The following UBE2E1 variants were observed in gnomAD, a reference collection of about 807,000 sequenced individuals.
UBE2E1 encodes ubiquitin conjugating enzyme E2 E1.
In UBE2E1, 6 loss-of-function variants were observed where a neutral mutation model predicts 21.4. The ratio of observed to expected loss-of-function variants is 0.28; its 90% CI spans 0.15 to 0.55. The LOEUF (loss-of-function observed/expected upper bound fraction) is 0.55. Among genes scored for constraint, UBE2E1 ranks in the 20% least tolerant of loss-of-function variants. The probability of loss-of-function intolerance (pLI) is 0.93; values close to 1 mark genes in which losing one functional copy is unlikely to be tolerated. For synonymous variants in UBE2E1, 87 were observed against 82.7 expected, an observed-to-expected ratio of 1.05 and a Z score of -0.28; for missense variants, 142 against 236.5, an observed-to-expected ratio of 0.60 and a Z score of 2.62.
At chr3:23,856,718 A>G (rs958992936) in intron 3 of UBE2E1, among the ~76,000 whole-genome samples, 2 of 152,200 alleles carry the variant, frequency 1.3e-5, no homozygotes, top group African/African-American at 4.8e-5. Context: ...ATTAGCAGGA[A>G]AAGAAAGCGC....
intron 2 of UBE2E1, 58 bp downstream of exon 2, chr3:23,807,479 A>G: frequency 6.3e-7 from 1 of 1,582,920 alleles, no homozygotes; most frequent in Non-Finnish European, 8.6e-7. Context: ...CTCTTGCTGC[A>G]TTTGGTCTGC....
rs1322687048 is a variant in UBE2E1, at chr3:23,816,892, G to T, written c.203+5382G>T. Among the ~76,000 whole-genome samples, 2 of 152,114 alleles carry T rather than the reference G, an allele frequency of 1.3e-5. No homozygotes were observed. Among genetic ancestry groups the T allele is most frequent in the Non-Finnish European group, 2.9e-5 (2 of 68,022 alleles). On this transcript the variant is annotated intron_variant, in intron 3 of 5. Coordinates refer to ENST00000306627, the MANE Select transcript of UBE2E1 (RefSeq NM_003341.5). This position sits in a 1 kb window ranked among gnomAD's most constrained non-coding sequence, Gnocchi z 4.8. Reference sequence around the variant, plus strand: ...CTTAATGAATACAGTTTCTTTTTGAGGTGGTGAAAGTTTTGGAAATAATGG... The same window carrying T: ...CTTAATGAATACAGTTTCTTTTTGATGTGGTGAAAGTTTTGGAAATAATGG...
chr3:23,873,085 C>G (rs916437174), intron 3 of UBE2E1, among the ~76,000 whole-genome samples: 1 of 152,150 alleles, frequency 6.6e-6, no homozygotes, highest in Non-Finnish European at 1.5e-5. Context: ...TAATGTCTGA[C>G]TTCTTAGCAG....
In UBE2E1 at chr3:23,836,135, A is replaced by G. The variant is rs536675235; in HGVS notation, c.203+24625A>G. The stretch of plus-strand genomic sequence containing the variant: ...GAACTGTTTAGGATATAGATGAAAT[A>G]CATTGAAACAGCAAGAAGTTAAAGC... On this transcript the variant is annotated intron_variant, in intron 3 of 5. Transcript: ENST00000306627. The surrounding 1 kb of genome is among the most constrained non-coding windows in gnomAD (Gnocchi z 4.1). 2.4e-4 allele frequency among the ~76,000 whole-genome samples: 37 copies of G among 152,238 alleles called. No homozygotes were observed. Among genetic ancestry groups the G allele is most frequent in the Non-Finnish European group, 3.7e-4 (25 of 68,030 alleles).
chr3:23,874,631 C>T (rs1490608173), intron 3 of UBE2E1, among the ~76,000 whole-genome samples: 1 of 152,176 alleles, frequency 6.6e-6, no homozygotes, highest in Admixed American at 6.5e-5. Context: ...GCATTGGATT[C>T]TGTCCTGACT....
intron 3 of UBE2E1, among the ~76,000 whole-genome samples, chr3:23,882,278 C>T (rs1234367910): frequency 1.3e-5 from 2 of 152,172 alleles, no homozygotes; most frequent in African/African-American, 2.4e-5. Context: ...CTGATTGGTG[C>T]GTTTACAATC....
intron 4 of UBE2E1, among the ~76,000 whole-genome samples, chr3:23,888,591 C>T (rs1701255274): frequency 6.6e-6 from 1 of 152,142 alleles, no homozygotes; most frequent in South Asian, 2.1e-4. Flanking sequence ...TGTAGGTAGA[C>T]AGGATGTCTA....
At chr3:23,852,937 A>T (rs535841129) in intron 3 of UBE2E1, among the ~76,000 whole-genome samples, 1 of 145,892 alleles carries the variant, frequency 6.9e-6, no homozygotes, top group East Asian at 2.0e-4. Context: ...TTGTTTTGAG[A>T]TGGAGTTTCA....
intron 3 of UBE2E1, among the ~76,000 whole-genome samples, chr3:23,861,665 G>A (rs746709201): frequency 1.3e-5 from 2 of 152,234 alleles, no homozygotes; most frequent in Non-Finnish European, 2.9e-5. Flanking sequence ...GTGGATGGAC[G>A]TCGAGAGGAA....
intron 3 of UBE2E1, among the ~76,000 whole-genome samples, chr3:23,843,930 G>A (rs1700143099): frequency 6.6e-6 from 1 of 152,100 alleles, no homozygotes. Flanking sequence ...GGTTGCCCGA[G>A]TTACAGATAT....
In UBE2E1 at chr3:23,810,733, C is replaced by T. The variant is rs1056440243; in HGVS notation, c.153-727C>T. The T allele has an allele frequency of 5.2e-6, 2 of 387,012 alleles. No individual in the cohort carries two copies. The highest frequency in any genetic ancestry group is 4.8e-5 in the Admixed American group (1 of 20,798). 24.0% of individuals were successfully genotyped at this position (387,012 alleles called of 1,614,324 possible). A position where few individuals can be genotyped will look rare whatever the true frequency, so the allele number is the denominator to read the frequency against. ...AGCTGGGGCGGCGCGGAGCAGCCCCCGTGCGGGCACCCTGTTCCCCTCCCC... is the reference window on the plus strand; with the variant it reads ...AGCTGGGGCGGCGCGGAGCAGCCCCTGTGCGGGCACCCTGTTCCCCTCCCC... On this transcript the variant is annotated intron_variant, in intron 2 of 5. Transcript: ENST00000306627. The surrounding 1 kb of genome is among the most constrained non-coding windows in gnomAD (Gnocchi z 5.8).
At chr3:23,814,319 A>G (rs1047232033) in intron 3 of UBE2E1, among the ~76,000 whole-genome samples, 8 of 152,268 alleles carry the variant, frequency 5.3e-5, no homozygotes, top group African/African-American at 1.9e-4. Flanking sequence ...GTATGAAAAC[A>G]TAAAATTAAA....
rs1700589077 is a variant in UBE2E1, at chr3:23,863,077, C to T, written c.204-24490C>T. ...GTTAAAAAAAAAAAAAAAAACTATT[C>T]CCAGCATTTTGCTCTCTAGTGGCAA... is the stretch of plus-strand genomic sequence containing the variant. On this transcript the variant is annotated intron_variant, in intron 3 of 5. Coordinates refer to ENST00000306627, the MANE Select transcript of UBE2E1 (RefSeq NM_003341.5). This position sits in a 1 kb window ranked among gnomAD's most constrained non-coding sequence, Gnocchi z 4.3. 6.6e-6 allele frequency among the ~76,000 whole-genome samples: 1 copy of T among 151,040 alleles called. No homozygotes were observed. Among genetic ancestry groups the T allele is most frequent in the African/African-American group, 2.4e-5 (1 of 41,076 alleles).
chr3:23,882,965 GCA>G (rs773127579), intron 3 of UBE2E1, among the ~76,000 whole-genome samples: 2 of 152,214 alleles, frequency 1.3e-5, no homozygotes, highest in African/African-American at 2.4e-5. Context: ...GCCTCAGCCA[GCA>G]CAGAGAGGGG....
At chr3:23,843,336 C>G (rs564069670) in intron 3 of UBE2E1, among the ~76,000 whole-genome samples, 1 of 152,060 alleles carries the variant, frequency 6.6e-6, no homozygotes, top group African/African-American at 2.4e-5. Context: ...TGTTGACATT[C>G]GGAACTGTGC....
At chr3:23,867,259 A>T (rs1700677420) in intron 3 of UBE2E1, among the ~76,000 whole-genome samples, 2 of 152,186 alleles carry the variant, frequency 1.3e-5, no homozygotes, top group Non-Finnish European at 2.9e-5. Flanking sequence ...TTTGAAAATT[A>T]TATATTTCTC....
chr3:23,858,653 T>G (rs969501642), intron 3 of UBE2E1, among the ~76,000 whole-genome samples: 1 of 152,194 alleles, frequency 6.6e-6, no homozygotes, highest in Non-Finnish European at 1.5e-5. Context: ...CAAACCTTTA[T>G]ATTGAGTAAA....
rs1347677888 is a variant in UBE2E1, at chr3:23,842,560, A to G, written c.203+31050A>G. Among the ~76,000 whole-genome samples the G allele has an allele frequency of 1.3e-5, 2 of 152,188 alleles. No homozygotes were observed. The highest frequency in any genetic ancestry group is 2.9e-5 in the Non-Finnish European group (2 of 68,034). On this transcript the variant is annotated intron_variant, in intron 3 of 5. Coordinates refer to ENST00000306627, the MANE Select transcript of UBE2E1 (RefSeq NM_003341.5). This position sits in a 1 kb window ranked among gnomAD's most constrained non-coding sequence, Gnocchi z 4.6. The stretch of plus-strand genomic sequence containing the variant: ...ATCCTAAGTGAGATAATAAGGCAAG[A>G]TATTTCAAGGCCTCCTTTTGTTATG...
At chr3:23,807,557 G>C in intron 2 of UBE2E1, 136 bp downstream of exon 2, 1 of 1,104,402 alleles carries the variant, frequency 9.1e-7, no homozygotes. Context: ...GAAGGGCCTT[G>C]GAAGCCCTAA....
Sources: gnomAD v4.1 joint callset for allele counts (sites outside exome capture counted in the v4.1 genomes callset) on GRCh38, gnomAD v4.1.1 for gene constraint, Gnocchi (gnomAD v3.1) non-coding constraint, MANE v1.5 for transcripts, NCBI Gene and HGNC (gene_info 2026-07-23, HGNC 2026-07-21) for gene names.